RARB: variants seen among roughly 807,000 people sequenced by gnomAD.
RARB encodes retinoic acid receptor beta, also known as HBV-activated protein.
Under a neutral mutation model 51.9 loss-of-function variants are expected in RARB, and 17 were observed. The observed-to-expected ratio is 0.33, with a 90% confidence interval of 0.22 to 0.49. The LOEUF is 0.49. Among genes scored for constraint, RARB ranks in the 20% least tolerant of loss-of-function variants. RARB has a pLI of 0.99. For synonymous variants in RARB, 215 were observed against 195.4 expected (o/e 1.10, Z -0.84); for missense variants, 369 against 550.8 (o/e 0.67, Z 3.30).
Position 24,898,304 on chromosome 3 carries a change from T to G in RARB, c.-380+39552T>G, listed in dbSNP as rs7618301. On this transcript the variant is annotated intron_variant, in intron 2 of 11. Transcript: ENST00000383772. ...AAATAAATAGGAAATAAATGAAAAA[T>G]AGGAATAAATTATAAATATAATATT... Among the ~76,000 whole-genome samples, 995 of 148,818 alleles carry G rather than the reference T, an allele frequency of 6.7e-3. 7 individuals carry two copies. The highest frequency in any genetic ancestry group is 0.023 in the African/African-American group (922 of 40,108).
At chr3:25,126,276 T>C (rs2125331090) in intron 3 of RARB, among the ~76,000 whole-genome samples, 1 of 152,278 alleles carries the variant, frequency 6.6e-6, no homozygotes, top group African/African-American at 2.4e-5. Context: ...CCCTGAAGCC[T>C]GGTAACCAGA....
chr3:25,018,512 A>T (rs573829263), intron 2 of RARB, among the ~76,000 whole-genome samples: 4 of 152,306 alleles, frequency 2.6e-5, no homozygotes, highest in Admixed American at 1.3e-4. Flanking sequence ...ATTAGAAGGT[A>T]TCTTCTTTAT....
At chr3:25,125,605 G>C (rs1374586726) in intron 3 of RARB, among the ~76,000 whole-genome samples, 1 of 152,066 alleles carries the variant, frequency 6.6e-6, no homozygotes, top group Admixed American at 6.6e-5. Context: ...GGGGAAAGAA[G>C]ACATAATAAA....
chr3:25,055,254 G>C (rs1208868022), intron 2 of RARB, among the ~76,000 whole-genome samples: 1 of 152,168 alleles, frequency 6.6e-6, no homozygotes, highest in Non-Finnish European at 1.5e-5. Context: ...AGATGAAGCT[G>C]ACCTTGTGAG....
chr3:25,585,738 G>C (rs1468239897), intron 5 of RARB, among the ~76,000 whole-genome samples: 1 of 152,210 alleles, frequency 6.6e-6, no homozygotes, highest in South Asian at 2.1e-4. Context: ...CCTTGTAAAA[G>C]AGCCACTGCC....
At chr3:25,077,146 A>C (rs7429279) in intron 3 of RARB, among the ~76,000 whole-genome samples, 84,681 of 152,022 alleles carry the variant, frequency 0.56, 24,673 homozygotes, top group East Asian at 0.76. Flanking sequence ...GGGCTCCTCA[A>C]ATAGCATGTT....
chr3:25,273,411 A>G (rs1044829707), intron 5 of RARB, among the ~76,000 whole-genome samples: 4 of 152,192 alleles, frequency 2.6e-5, no homozygotes, highest in Non-Finnish European at 2.9e-5. Context: ...TATATTTATC[A>G]TGACATTCTA....
rs535445757 is a variant in RARB, at chr3:25,048,139, A to T, written c.-379-11986A>T. The stretch of plus-strand genomic sequence containing the variant: ...TATAAACCTCTTTTTTATGTAAATT[A>T]CCCATTCTCAGGTATGTCTTTATTG... On this transcript the variant is annotated intron_variant, in intron 2 of 11. Coordinates refer to the RARB transcript ENST00000383772. 2.6e-4 allele frequency among the ~76,000 whole-genome samples: 40 copies of T among 152,302 alleles called. 1 individual carries two copies. The highest frequency in any genetic ancestry group is 6.8e-3 in the Middle Eastern group (2 of 294).
intron 2 of RARB, among the ~76,000 whole-genome samples, chr3:24,952,950 T>C (rs942878213): frequency 6.6e-6 from 1 of 152,148 alleles, no homozygotes; most frequent in Non-Finnish European, 1.5e-5. Context: ...TATAACATAG[T>C]TCGCAAAGCA....
chr3:24,839,724 G>A lies in RARB; in HGVS notation c.-459+10321G>A, dbSNP rs1187948058. Among the ~76,000 whole-genome samples, 7 of 120,978 alleles carry A rather than the reference G, an allele frequency of 5.8e-5. No individual in the cohort carries two copies. The East Asian group carries it at 1.1e-3, about 19-fold the overall frequency. The allele number at this position is 120,978 out of a possible 152,430, so 79.4% of individuals were successfully genotyped here. On this transcript the variant is annotated intron_variant, in intron 1 of 11. Transcript: ENST00000383772. ...GTCTCAAAAAAAAAAAAAAAAGGGG[G>A]GGGGGGTGGGGGAAGAAACAGTTTG... is the stretch of plus-strand genomic sequence containing the variant.
intron 5 of RARB, among the ~76,000 whole-genome samples, chr3:25,291,946 C>T (rs1459021781): frequency 2.0e-5 from 3 of 152,100 alleles, no homozygotes; most frequent in Admixed American, 2.0e-4. Flanking sequence ...CTTTCCCTCT[C>T]TTATGGGGAT....
chr3:25,085,564 A>G (rs1248523824), intron 3 of RARB, among the ~76,000 whole-genome samples: 2 of 152,028 alleles, frequency 1.3e-5, no homozygotes, highest in Non-Finnish European at 2.9e-5. Flanking sequence ...ATTTTTCTTT[A>G]TACCATATCC....
intron 5 of RARB, among the ~76,000 whole-genome samples, chr3:25,422,819 A>G (rs1421163352): frequency 1.3e-5 from 2 of 152,206 alleles, no homozygotes; most frequent in East Asian, 1.9e-4. Flanking sequence ...ACCCAAATGT[A>G]TATAGCTAGG....
At chr3:25,077,277 G>T (rs1019083038) in intron 3 of RARB, among the ~76,000 whole-genome samples, 1 of 152,222 alleles carries the variant, frequency 6.6e-6, no homozygotes, top group Middle Eastern at 3.4e-3. Context: ...AAGAAATTTT[G>T]ACATATGCTC....
At chr3:24,984,382 A>T (rs150945212) in intron 2 of RARB, among the ~76,000 whole-genome samples, 255 of 152,344 alleles carry the variant, frequency 1.7e-3, no homozygotes, top group African/African-American at 5.9e-3. Flanking sequence ...GCACTGTGTT[A>T]AGCGCTGAGA....
chr3:25,551,036 G>T (rs1699831378), intron 3 of RARB, among the ~76,000 whole-genome samples: 1 of 152,162 alleles, frequency 6.6e-6, no homozygotes, highest in Non-Finnish European at 1.5e-5. Flanking sequence ...CTATAGAACT[G>T]ACTGTTTTAA....
intron 3 of RARB, among the ~76,000 whole-genome samples, chr3:25,106,889 G>A (rs922892517): frequency 7.8e-6 from 1 of 128,922 alleles, no homozygotes; most frequent in South Asian, 2.7e-4. Context: ...AACTGTTTGT[G>A]TTCCTTCTGC....
chr3:25,513,646 A>ACTTTCT (rs1433897935), intron 3 of RARB, among the ~76,000 whole-genome samples: 1 of 150,748 alleles, frequency 6.6e-6, no homozygotes, highest in African/African-American at 2.5e-5. Flanking sequence ...ACAGAGATTT[A>ACTTTCT]CTTTCTCTCA....
intron 3 of RARB, among the ~76,000 whole-genome samples, chr3:25,554,249 A>C (rs1415556149): frequency 6.7e-6 from 1 of 150,182 alleles, no homozygotes; most frequent in Non-Finnish European, 1.5e-5. Context: ...AAACAAAAAA[A>C]CATGAGGGGG....
Sources: allele counts gnomAD v4.1 joint callset (sites outside exome capture counted in the v4.1 genomes callset), GRCh38; gene constraint gnomAD v4.1.1; transcripts MANE v1.5; gene names NCBI Gene and HGNC (gene_info 2026-07-23, HGNC 2026-07-21).